KANSL1: variants seen among roughly 807,000 people sequenced by gnomAD.
KANSL1 encodes the protein MLL1/MLL complex subunit KANSL1.
Under a neutral mutation model 103.6 loss-of-function variants are expected in KANSL1, and 22 were observed. The ratio of observed to expected loss-of-function variants is 0.21; its 90% CI spans 0.15 to 0.30. KANSL1 has a LOEUF of 0.30. Ranked by LOEUF, KANSL1 falls within the 10% of genes least tolerant of loss-of-function variation. KANSL1 has a pLI of 1.00. For missense variants in KANSL1, 1,337 were observed against 1,399.8 expected (o/e 0.96, Z 0.72); for synonymous variants, 600 against 527.6 (o/e 1.14, Z -1.88).
chr17:46,154,308 T>C (rs938408540), intron 2 of KANSL1, among the ~76,000 whole-genome samples: 12 of 152,220 alleles, frequency 7.9e-5, no homozygotes, highest in Non-Finnish European at 1.6e-4. Context: ...AGGGAGGATA[T>C]TCCCCCCTCA....
At chr17:46,039,680 T>C (rs940435605) in intron 8 of KANSL1, 22 bp downstream of exon 8, 4 of 1,603,496 alleles carry the variant, frequency 2.5e-6, no homozygotes, top group Non-Finnish European at 3.4e-6. Context: ...TCTGGGGGAC[T>C]TCCCGGCTCC....
chr17:46,063,172 G>C (rs960170868), intron 6 of KANSL1, among the ~76,000 whole-genome samples: 4 of 152,186 alleles, frequency 2.6e-5, no homozygotes, highest in African/African-American at 9.7e-5. Flanking sequence ...CACTTGCTTT[G>C]TGTGTTCTGT....
intron 2 of KANSL1, among the ~76,000 whole-genome samples, chr17:46,142,781 G>C (rs2044491464): frequency 6.6e-6 from 1 of 152,238 alleles, no homozygotes; most frequent in African/African-American, 2.4e-5. Context: ...AAACCTGCTT[G>C]TTACACTGCT....
intron 1 of KANSL1, among the ~76,000 whole-genome samples, chr17:46,175,650 T>C (rs1335246370): frequency 6.6e-6 from 1 of 152,072 alleles, no homozygotes; most frequent in Non-Finnish European, 1.5e-5. Flanking sequence ...GTGCCTGGCC[T>C]CATATAATTA....
chr17:46,144,348 G>C (rs2044586484), intron 2 of KANSL1, among the ~76,000 whole-genome samples: 1 of 152,220 alleles, frequency 6.6e-6, no homozygotes, highest in African/African-American at 2.4e-5. Flanking sequence ...CTCAGTACAA[G>C]AGGCCTGCAA....
At chr17:46,083,876 C>T (rs1041292256) in intron 3 of KANSL1, among the ~76,000 whole-genome samples, 2 of 152,166 alleles carry the variant, frequency 1.3e-5, no homozygotes, top group East Asian at 1.9e-4. Flanking sequence ...CTCTTATGAG[C>T]CACTAAACCA....
intron 3 of KANSL1, among the ~76,000 whole-genome samples, chr17:46,091,806 T>C (rs2079400045): frequency 6.6e-6 from 1 of 151,366 alleles, no homozygotes; most frequent in Non-Finnish European, 1.5e-5. Context: ...AGTATGTATA[T>C]ATGTAAGTAT....
intron 1 of KANSL1, among the ~76,000 whole-genome samples, chr17:46,176,875 G>A (rs1211936977): frequency 2.0e-5 from 3 of 152,098 alleles, no homozygotes; most frequent in Admixed American, 6.5e-5. Context: ...AAGTAAGGGG[G>A]TGGGGGAGGA....
chr17:46,105,945 A>AC (rs1255596930), intron 2 of KANSL1, among the ~76,000 whole-genome samples: 2 of 90,354 alleles, frequency 2.2e-5, no homozygotes, highest in East Asian at 2.5e-4. Flanking sequence ...ACACACACAC[A>AC]CACCCCCCCA....
intron 2 of KANSL1, among the ~76,000 whole-genome samples, chr17:46,141,513 G>A (rs528430678): frequency 8.5e-5 from 13 of 152,272 alleles, no homozygotes; most frequent in South Asian, 2.1e-4. Flanking sequence ...ATTTACAAAC[G>A]GTCTATCTTA....
chr17:46,210,525 G>C (rs2048133165), intron 1 of KANSL1, among the ~76,000 whole-genome samples: 2 of 132,228 alleles, frequency 1.5e-5, no homozygotes, highest in South Asian at 5.3e-4. Context: ...CACAGGATGA[G>C]AACATTTACT....
At chr17:46,052,964 CAAAAAAAAAAAAAAAAAAAA>C (rs34473927) in intron 6 of KANSL1, among the ~76,000 whole-genome samples, 1,872 of 32,874 alleles carry the variant, frequency 0.057, 202 homozygotes, top group East Asian at 0.47. Flanking sequence ...ATCCTGTCTC[CAAAAAAAAAAAAAAAAAAAA>C]AAAAAAAAAA....
intron 2 of KANSL1, among the ~76,000 whole-genome samples, chr17:46,143,567 G>C (rs2044532827): frequency 6.6e-6 from 1 of 152,134 alleles, no homozygotes; most frequent in Non-Finnish European, 1.5e-5. Flanking sequence ...CACTTTGGGA[G>C]GCCGAGACGG....
At chr17:46,063,382 C>T (rs6503455) in intron 6 of KANSL1, among the ~76,000 whole-genome samples, 52,674 of 152,026 alleles carry the variant, frequency 0.35, 9,656 homozygotes, top group South Asian at 0.58. Context: ...TCTGGAAAAC[C>T]GAGCAATTCA....
At chr17:46,075,341 C>G (rs2078723545) in intron 4 of KANSL1, among the ~76,000 whole-genome samples, 2 of 112,690 alleles carry the variant, frequency 1.8e-5, no homozygotes, top group Non-Finnish European at 4.8e-5. Flanking sequence ...AACACACACA[C>G]ACTCTCTCTT....
intron 2 of KANSL1, among the ~76,000 whole-genome samples, chr17:46,149,108 T>A (rs973427332): frequency 6.6e-6 from 1 of 151,856 alleles, no homozygotes; most frequent in African/African-American, 2.4e-5. Context: ...GTTCACGCCA[T>A]TCTCCTGCCT....
intron 2 of KANSL1, among the ~76,000 whole-genome samples, chr17:46,136,255 A>T (rs1182981616): frequency 2.0e-5 from 3 of 152,228 alleles, no homozygotes; most frequent in East Asian, 1.9e-4. Context: ...TACATTCTTT[A>T]AAAAATCTAG....
Position 46,192,974 on chromosome 17 carries a change from A to G in KANSL1, c.-241T>C, listed in dbSNP as rs1273585300. ...CGGGCCCGCCGCTCTCCTCCCCCCG[A>G]CGCCCGGAGCCGCCCTGACTTTCCG... On this transcript the variant is annotated 5_prime_UTR_variant, in exon 1 of 15. Coordinates refer to ENST00000432791, the MANE Select transcript of KANSL1 (RefSeq NM_015443.4). The G allele has an allele frequency of 6.6e-6, 1 of 150,984 alleles. No individual in the cohort carries two copies. The highest frequency in any genetic ancestry group is 1.5e-5 in the Non-Finnish European group (1 of 67,818). 9.4% of individuals were successfully genotyped at this position (150,984 alleles called of 1,614,324 possible).
At chr17:46,066,388 C>T (rs2078376875) in intron 6 of KANSL1, 149 bp downstream of exon 6, 2 of 543,030 alleles carry the variant, frequency 3.7e-6, no homozygotes, top group Admixed American at 6.8e-5. Context: ...CCAGAGCAAA[C>T]AGGGCCCAGG....
Sources: gnomAD v4.1 joint callset for allele counts (sites outside exome capture counted in the v4.1 genomes callset) on GRCh38, gnomAD v4.1.1 for gene constraint, MANE v1.5 for transcripts, NCBI Gene and HGNC (gene_info 2026-07-23, HGNC 2026-07-21) for gene names.